The following PRKG1 variants were observed in gnomAD, a reference collection of about 807,000 sequenced individuals.
PRKG1 encodes the protein cGMP-dependent protein kinase 1.
A neutral mutation model predicts 88.1 loss-of-function variants in PRKG1; 35 were observed. That is an observed-to-expected ratio of 0.40 (90% CI 0.30 to 0.53). The LOEUF (loss-of-function observed/expected upper bound fraction) is 0.53. PRKG1 is among the 20% of genes least tolerant of loss of function. The pLI, the probability that PRKG1 is intolerant of heterozygous loss-of-function variation, is 0.59. For synonymous variants in PRKG1, 303 were observed against 292.5 expected (o/e 1.04, Z -0.37); for missense variants, 540 against 839.8 (o/e 0.64, Z 4.41).
At chr10:52,280,203 G>A (rs1214515547) in intron 12 of PRKG1, among the ~76,000 whole-genome samples, 1 of 152,122 alleles carries the variant, frequency 6.6e-6, no homozygotes, top group Non-Finnish European at 1.5e-5. Context: ...TGTTTTGGAT[G>A]CAGAAGTTTC....
chr10:51,683,099 A>T (rs1190652341), intron 3 of PRKG1, among the ~76,000 whole-genome samples: 1 of 152,238 alleles, frequency 6.6e-6, no homozygotes, highest in Admixed American at 6.5e-5. Context: ...AATAGATCAC[A>T]GGGAACAGAC....
chr10:52,255,722 G>A (rs1329734334), intron 10 of PRKG1, among the ~76,000 whole-genome samples: 1 of 151,974 alleles, frequency 6.6e-6, no homozygotes, highest in Non-Finnish European at 1.5e-5. Context: ...AGTGTGTGGA[G>A]GAACAAGACG....
intron 14 of PRKG1, among the ~76,000 whole-genome samples, chr10:52,285,663 G>A (rs962714980): frequency 6.6e-6 from 1 of 152,066 alleles, no homozygotes; most frequent in Non-Finnish European, 1.5e-5. Flanking sequence ...GGAAATATAG[G>A]AGGAAGTGTT....
chr10:51,831,048 G>A (rs141365461), intron 4 of PRKG1, among the ~76,000 whole-genome samples: 20 of 151,758 alleles, frequency 1.3e-4, no homozygotes, highest in African/African-American at 4.6e-4. Flanking sequence ...TGAGACTAAT[G>A]TATGTTTTCC....
At chr10:52,293,151 C>T (rs1311928654) in intron 17 of PRKG1, among the ~76,000 whole-genome samples, 13 of 149,910 alleles carry the variant, frequency 8.7e-5, no homozygotes, top group African/African-American at 3.0e-4. Context: ...TGAGTGAACT[C>T]CCATTCACAA....
intron 17 of PRKG1, among the ~76,000 whole-genome samples, chr10:52,292,191 AT>A (rs1369328601): frequency 4.0e-5 from 6 of 149,516 alleles, no homozygotes; most frequent in Non-Finnish European, 8.9e-5. Flanking sequence ...GGTTGCGAAA[AT>A]TTTCTCCCAT....
chr10:51,226,078 C>T (rs1838684931), intron 2 of PRKG1, among the ~76,000 whole-genome samples: 1 of 152,024 alleles, frequency 6.6e-6, no homozygotes, highest in South Asian at 2.1e-4. Flanking sequence ...GTGGCAGGCA[C>T]CTGTAGTCCC....
chr10:51,111,815 C>T (rs549232112), intron 1 of PRKG1, among the ~76,000 whole-genome samples: 2 of 152,210 alleles, frequency 1.3e-5, no homozygotes, highest in East Asian at 3.9e-4. Flanking sequence ...GGTGTTTTTA[C>T]CCAAAGGTAG....
intron 3 of PRKG1, among the ~76,000 whole-genome samples, chr10:51,780,911 A>G (rs1257014080): frequency 4.6e-5 from 7 of 152,158 alleles, no homozygotes; most frequent in Non-Finnish European, 8.8e-5. Flanking sequence ...AAATTTTGAC[A>G]TAGAATAAGA....
chr10:52,017,227 G>A (rs1783204180), intron 5 of PRKG1, among the ~76,000 whole-genome samples: 1 of 152,120 alleles, frequency 6.6e-6, no homozygotes, highest in Admixed American at 6.6e-5. Context: ...ATTTGAGCAG[G>A]GAAATGCAGT....
chr10:51,740,610 T>C (rs1015182049), intron 3 of PRKG1, among the ~76,000 whole-genome samples: 3 of 152,178 alleles, frequency 2.0e-5, no homozygotes, highest in Non-Finnish European at 4.4e-5. Context: ...AACTCTACCC[T>C]ATACTTCTGA....
intron 4 of PRKG1, among the ~76,000 whole-genome samples, chr10:51,858,923 C>T (rs1399710117): frequency 6.6e-6 from 1 of 152,038 alleles, no homozygotes; most frequent in Non-Finnish European, 1.5e-5. Flanking sequence ...CCACCTCTGC[C>T]TTTAATATTC....
Position 51,348,426 on chromosome 10 carries a change from G to A in PRKG1, c.479-119297G>A, listed in dbSNP as rs145343532. Among the ~76,000 whole-genome samples the A allele has an allele frequency of 8.5e-4, 130 of 152,170 alleles. 1 individual carries two copies. Among genetic ancestry groups the A allele is most frequent in the African/African-American group, 3.0e-3 (125 of 41,520 alleles). ...GAAGTTCAGTAATTTTCCTTACACC[G>A]TAAGGCAACCTGCTAGTAACCACAA... is the stretch of plus-strand genomic sequence containing the variant. On this transcript the variant is annotated intron_variant, in intron 2 of 17. Coordinates refer to ENST00000373980, the MANE Select transcript of PRKG1 (RefSeq NM_006258.4).
At chr10:51,423,344 A>G (rs993435686) in intron 2 of PRKG1, among the ~76,000 whole-genome samples, 1 of 152,216 alleles carries the variant, frequency 6.6e-6, no homozygotes, top group African/African-American at 2.4e-5. Flanking sequence ...TATTTAAAAC[A>G]ACAACCTACC....
At chr10:52,221,556 T>A (rs1407609522) in intron 9 of PRKG1, among the ~76,000 whole-genome samples, 1 of 152,182 alleles carries the variant, frequency 6.6e-6, no homozygotes, top group Non-Finnish European at 1.5e-5. Flanking sequence ...ATGTTATTTT[T>A]AAAAGAAAAC....
At chr10:51,153,093 C>T (rs558897104) in intron 1 of PRKG1, 71 bp from the exon 2 acceptor site, 55 of 1,411,080 alleles carry the variant, frequency 3.9e-5, no homozygotes, top group East Asian at 4.9e-5. Context: ...CACTCTATGG[C>T]GCTGCTAAAC....
intron 3 of PRKG1, among the ~76,000 whole-genome samples, chr10:51,517,560 A>G (rs1490853066): frequency 2.0e-5 from 3 of 152,252 alleles, no homozygotes; most frequent in Non-Finnish European, 4.4e-5. Flanking sequence ...CAGAAAGATC[A>G]GAAAGGCATT....
rs558413176 is a variant in PRKG1, at chr10:51,766,316, G to A, written c.593-38269G>A. On this transcript the variant is annotated intron_variant, in intron 3 of 17. Coordinates refer to ENST00000373980, the MANE Select transcript of PRKG1 (RefSeq NM_006258.4). ...TATCTCCACCCTGTCCTCCTAGTGC[G>A]CATGCAGGCCCTTAGCTTGAGTTAG... Among the ~76,000 whole-genome samples, 252 of 152,204 alleles carry A rather than the reference G, an allele frequency of 1.7e-3. 1 individual carries two copies. Among genetic ancestry groups the A allele is most frequent in the African/African-American group, 5.7e-3 (238 of 41,540 alleles).
intron 9 of PRKG1, among the ~76,000 whole-genome samples, chr10:52,183,191 A>G (rs1183391749): frequency 2.0e-5 from 3 of 152,198 alleles, no homozygotes. Context: ...TCAACATATG[A>G]TTTGGAGTGT....
Sources: gnomAD v4.1 joint callset for allele counts (sites outside exome capture counted in the v4.1 genomes callset) on GRCh38, gnomAD v4.1.1 for gene constraint, MANE v1.5 for transcripts, NCBI Gene and HGNC (gene_info 2026-07-23, HGNC 2026-07-21) for gene names.